The following PKD2 variants were observed in gnomAD, a reference collection of about 807,000 sequenced individuals.
The protein encoded by PKD2 is polycystin 2, transient receptor potential cation channel, also known as polycystin-2.
PKD2 carries 48 observed loss-of-function variants against 105.9 expected under a neutral mutation model. That is an observed-to-expected ratio of 0.45 (90% CI 0.36 to 0.58). The LOEUF (loss-of-function observed/expected upper bound fraction) is 0.58, where lower values mean the gene tolerates loss of function less well. PKD2 is among the 20% of genes least tolerant of loss of function. PKD2 has a pLI of 0.00. For missense variants in PKD2, 1,078 were observed against 1,255.3 expected, an observed-to-expected ratio of 0.86 and a Z score of 2.13; for synonymous variants, 464 against 481.1, an observed-to-expected ratio of 0.96 and a Z score of 0.46.
intron 4 of PKD2, among the ~76,000 whole-genome samples, chr4:88,041,172 G>A (rs528930373): frequency 1.3e-5 from 2 of 152,022 alleles, no homozygotes; most frequent in African/African-American, 4.8e-5. Context: ...TCTTCCTATT[G>A]CCCTGAAAGA....
chr4:88,046,716 A>G lies in PKD2; in HGVS notation c.1394A>G (p.Tyr465Cys), dbSNP rs773998492. 9.3e-6 allele frequency: 15 copies of G among 1,613,578 alleles called. No homozygotes were observed. Among genetic ancestry groups the G allele is most frequent in the Middle Eastern group, 1.6e-4 (1 of 6,076 alleles). The change falls in exon 6 of 15, where the codon TAT (tyrosine) becomes TGT (cysteine). Residue 465 changes from tyrosine (Y) to cysteine (C), a missense_variant. Around this residue, in one of 2 missense-constraint regions of PKD2, gnomAD observed 868 missense variants for 1,067.3 expected, o/e 0.81. Transcript: ENST00000237596. ...WQFQPLKLIR[Y>C]VTTFDFFLAA... ...TTTCAGCCTTTAAAGCTGATCCGAT[A>G]TGTCACAACTTTTGATTTCTTCCTG...
chr4:88,043,393 A>G lies in PKD2; in HGVS notation c.1255A>G (p.Thr419Ala), dbSNP rs755510252. 3.3e-5 allele frequency: 53 copies of G among 1,614,056 alleles called. 1 individual carries two copies. The East Asian group carries it at 1.2e-3, about 36-fold the overall frequency. ...GAAAAATGTCTGGCTGGACCGAGGAACCAGGGCAACTTTTATTGACTTCTC... is the reference window on the plus strand; with the variant it reads ...GAAAAATGTCTGGCTGGACCGAGGAGCCAGGGCAACTTTTATTGACTTCTC... Reference protein sequence around the residue: ...LKKNVWLDRGTRATFIDFSVY... With the variant: ...LKKNVWLDRGARATFIDFSVY... Residue 419 changes from threonine to alanine, a missense_variant, in exon 5 of 15, where the codon ACC becomes GCC. Physicochemically the swap from Thr to Ala is moderately conservative, Grantham distance 58. Coordinates refer to ENST00000237596, the MANE Select transcript of PKD2 (RefSeq NM_000297.4).
intron 2 of PKD2, among the ~76,000 whole-genome samples, chr4:88,020,959 A>G (rs1726727239): frequency 6.6e-6 from 1 of 152,182 alleles, no homozygotes; most frequent in African/African-American, 2.4e-5. Context: ...TTCTGGGATT[A>G]TAGGCATGAG....
chr4:88,013,556 G>T, intron 1 of PKD2, among the ~76,000 whole-genome samples: 1 of 152,118 alleles, frequency 6.6e-6, no homozygotes, highest in Admixed American at 6.5e-5. Context: ...ACAAAAATTA[G>T]CCAGGCAGGG....
At chr4:88,036,587 T>A in intron 3 of PKD2, 1 of 172,428 alleles carries the variant, frequency 5.8e-6, no homozygotes, top group Non-Finnish European at 1.2e-5. Flanking sequence ...TTACCTTATT[T>A]AATTTCTATA....
intron 2 of PKD2, among the ~76,000 whole-genome samples, chr4:88,032,334 T>C (rs959051512): frequency 2.0e-5 from 3 of 152,238 alleles, no homozygotes; most frequent in Non-Finnish European, 4.4e-5. Flanking sequence ...TTTGAAATGA[T>C]AGACCATGTT....
Position 88,008,032 on chromosome 4 carries a change from AG to A in PKD2, c.301del (p.Glu101ArgfsTer16). ...CCCGGCTTCGAGGCCGAGGAGGAGG[AG>A]GAGGAGGTGGAAGGGGAAGAAGGCG... Reference protein sequence around the residue: ...DNPGFEAEEEEEEVEGEEGGM... With the variant: ...DNPGFEAEEEXEEVEGEEGGM... On this transcript the variant is annotated frameshift_variant, in exon 1 of 15. Coordinates refer to ENST00000237596, the MANE Select transcript of PKD2 (RefSeq NM_000297.4). LOFTEE classifies it high-confidence loss of function. The A allele has an allele frequency of 6.6e-7, 1 of 1,521,650 alleles. No individual in the cohort carries two copies. Among genetic ancestry groups the A allele is most frequent in the East Asian group, 2.5e-5 (1 of 39,786 alleles). The allele number at this position is 1,521,650 out of a possible 1,614,324, so 94.3% of individuals were successfully genotyped here.
Position 88,071,160 on chromosome 4 carries a change from A to G in PKD2, c.2522+3099A>G, listed in dbSNP as rs1560630536. 2.6e-5 allele frequency among the ~76,000 whole-genome samples: 4 copies of G among 151,822 alleles called. 1 individual carries two copies. The South Asian group carries it at 6.2e-4, about 24-fold the overall frequency. On this transcript the variant is annotated intron_variant, in intron 13 of 14. Transcript: ENST00000237596. Reference sequence around the variant, plus strand: ...AGCCTCGAACTCCTGAACTCAAGCAATCCTCCCACCTCAGCCTCCTAAGTA... The same window carrying G: ...AGCCTCGAACTCCTGAACTCAAGCAGTCCTCCCACCTCAGCCTCCTAAGTA...
At chr4:88,070,591 T>TAGAGAGAG (rs1380301242) in intron 13 of PKD2, among the ~76,000 whole-genome samples, 3 of 104,170 alleles carry the variant, frequency 2.9e-5, no homozygotes, top group African/African-American at 1.1e-4. Flanking sequence ...TATATATATA[T>TAGAGAGAG]ATATATATAT....
intron 6 of PKD2, among the ~76,000 whole-genome samples, 155 bp from the exon 7 acceptor site, chr4:88,051,836 C>T (rs1459566124): frequency 6.6e-6 from 1 of 152,136 alleles, no homozygotes; most frequent in Non-Finnish European, 1.5e-5. Context: ...TAACACTTTC[C>T]ATTTGAGTGA....
chr4:88,032,625 T>G, intron 2 of PKD2, among the ~76,000 whole-genome samples: 1 of 152,236 alleles, frequency 6.6e-6, no homozygotes, highest in East Asian at 1.9e-4. Context: ...TTTCTGGTCC[T>G]CATTTAAGGT....
Position 88,058,088 on chromosome 4 carries a change from G to A in PKD2, c.2004G>A (p.Met668Ile). ...ATTTCACTACATTTGTGTTCTTTATGTTCTTCATTCTTTTGGTATGTACAT... is the reference window on the plus strand; with the variant it reads ...ATTTCACTACATTTGTGTTCTTTATATTCTTCATTCTTTTGGTATGTACAT... Reference protein sequence around the residue: ...PIYFTTFVFFMFFILLNMFLA... With the variant: ...PIYFTTFVFFIFFILLNMFLA... The change falls in exon 9 of 15, where the codon ATG (methionine) becomes ATA (isoleucine). Residue 668 changes from methionine to isoleucine, a missense_variant. Physicochemically the swap from Met to Ile is conservative, Grantham distance 10. Around this residue, in one of 2 missense-constraint regions of PKD2, gnomAD observed 868 missense variants for 1,067.3 expected, o/e 0.81. Coordinates refer to ENST00000237596, the MANE Select transcript of PKD2 (RefSeq NM_000297.4). 1 of 1,538,118 alleles carries A rather than the reference G, an allele frequency of 6.5e-7. No homozygotes were observed. The highest frequency in any genetic ancestry group is 2.3e-5 in the East Asian group (1 of 44,398).
In PKD2 at chr4:88,061,978, A is replaced by G. The variant is rs923215048; in HGVS notation, c.2092A>G (p.Met698Val). Residue 698 changes from methionine to valine, a missense_variant, in exon 10 of 15, where the codon ATG becomes GTG. By Grantham distance (21) the Met-to-Val change is conservative. Around this residue, in one of 2 missense-constraint regions of PKD2, gnomAD observed 868 missense variants for 1,067.3 expected, o/e 0.81. Coordinates refer to ENST00000237596, the MANE Select transcript of PKD2 (RefSeq NM_000297.4). ...TGACTTGGCACAGCAGAAAGCTGAA[A>G]TGGAACTCTCAGATCTTATCAGAAA... is the stretch of plus-strand genomic sequence containing the variant. ...KSDLAQQKAEMELSDLIRKGY... is the reference protein window; with the variant it reads ...KSDLAQQKAEVELSDLIRKGY... The G allele has an allele frequency of 1.3e-6, 2 of 1,556,268 alleles. No homozygotes were observed. The highest frequency in any genetic ancestry group is 1.8e-6 in the Non-Finnish European group (2 of 1,127,664).
At chr4:88,052,235 T>C in intron 7 of PKD2, 77 bp downstream of exon 7, 1 of 932,258 alleles carries the variant, frequency 1.1e-6, no homozygotes, top group South Asian at 1.4e-5. Flanking sequence ...AATCATGGAA[T>C]ACTTGAATTT....
chr4:88,027,915 C>G (rs1209700346), intron 2 of PKD2, among the ~76,000 whole-genome samples: 2 of 152,216 alleles, frequency 1.3e-5, no homozygotes, highest in Admixed American at 6.5e-5. Flanking sequence ...TTGTAAGTTT[C>G]CTGAGGTCTC....
chr4:88,007,705 C>T lies in PKD2; in HGVS notation c.-29C>T. The T allele has an allele frequency of 4.3e-6, 5 of 1,170,466 alleles. No individual in the cohort carries two copies. The highest frequency in any genetic ancestry group is 4.2e-6 in the Non-Finnish European group (4 of 941,526). 72.5% of individuals were successfully genotyped at this position (1,170,466 alleles called of 1,614,324 possible). A position where few individuals can be genotyped will look rare whatever the true frequency, so the allele number is the denominator to read the frequency against. On this transcript the variant is annotated 5_prime_UTR_variant, in exon 1 of 15. Coordinates refer to ENST00000237596, the MANE Select transcript of PKD2 (RefSeq NM_000297.4). ...GCACAGCGCCGAGCGCGGCGCCGCG[C>T]ACCCGCGCGCCGGACGCCAGTGACC... is the stretch of plus-strand genomic sequence containing the variant.
chr4:88,016,313 C>T (rs562534473), intron 1 of PKD2, among the ~76,000 whole-genome samples: 2 of 152,322 alleles, frequency 1.3e-5, no homozygotes, highest in South Asian at 2.1e-4. Flanking sequence ...ACTCTCAGTC[C>T]GTGTTCTCCC....
chr4:88,043,120 G>GCT, intron 4 of PKD2, 113 bp from the exon 5 acceptor site: 1 of 729,338 alleles, frequency 1.4e-6, no homozygotes, highest in African/African-American at 1.7e-5. Context: ...ACAGTACCCA[G>GCT]CTTGATAGGC....
chr4:88,028,374 G>A lies in PKD2; in HGVS notation c.710-7846G>A, dbSNP rs539384149. 1.8e-3 allele frequency among the ~76,000 whole-genome samples: 271 copies of A among 152,284 alleles called. 2 individuals carry two copies. Among genetic ancestry groups the A allele is most frequent in the Middle Eastern group, 0.01 (3 of 294 alleles). On this transcript the variant is annotated intron_variant, in intron 2 of 14. Transcript: ENST00000237596. ...GCTAATTCCATTTCCAGTGAAAAAC[G>A]TCTTGATTGCTCACCACATATCTTT...
Sources: allele counts gnomAD v4.1 joint callset (sites outside exome capture counted in the v4.1 genomes callset), GRCh38; gene constraint gnomAD v4.1.1; regional missense constraint gnomAD v4.1.1; transcripts MANE v1.5; gene names NCBI Gene and HGNC (gene_info 2026-07-23, HGNC 2026-07-21).